The following GPR101 variants were observed in gnomAD, a reference collection of about 807,000 sequenced individuals.
GPR101 encodes the protein probable G protein-coupled receptor 101.
GPR101 carries 8 observed loss-of-function variants against 16.4 expected under a neutral mutation model. The observed-to-expected ratio is 0.49, with a 90% CI of 0.29 to 0.88. The LOEUF (loss-of-function observed/expected upper bound fraction) is 0.88, where lower values mean the gene tolerates loss of function less well. GPR101 is among the 40% of genes least tolerant of loss of function. The probability of loss-of-function intolerance (pLI) is 0.09; values close to 1 mark genes in which losing one functional copy is unlikely to be tolerated. For synonymous variants in GPR101, 155 were observed against 168.7 expected (o/e 0.92, Z 0.63); for missense variants, 375 against 411.7 (o/e 0.91, Z 0.77).
At position 137,029,616 on chromosome X, in the gene GPR101, C is replaced by A. The variant is rs1351061041; in HGVS notation, c.*532G>T. Among the ~76,000 whole-genome samples, 1 of 111,623 alleles carries A rather than the reference C, an allele frequency of 9.0e-6. No homozygotes were observed. Among genetic ancestry groups the A allele is most frequent in the Non-Finnish European group, 1.9e-5 (1 of 53,144 alleles). The stretch of plus-strand genomic sequence containing the variant: ...GTTTTAGTTTGTGTAACAGTCTTTG[C>A]ACCCGACTGTGGGGCTGTTCAGTTC... On this transcript the variant is annotated 3_prime_UTR_variant, in exon 2 of 2. Coordinates refer to ENST00000651716, the MANE Select transcript of GPR101 (RefSeq NM_054021.2).
rs1272334756 is a variant in GPR101, at chrX:137,028,617, G to C, written c.*1531C>G. ...GTTGACTCTGGAGTTGCTTTAACTT[G>C]TTCTGTAGGAGGATCAAAAACACTG... On this transcript the variant is annotated 3_prime_UTR_variant, in exon 2 of 2. Coordinates refer to ENST00000651716, the MANE Select transcript of GPR101 (RefSeq NM_054021.2). 8.9e-6 allele frequency among the ~76,000 whole-genome samples: 1 copy of C among 111,998 alleles called. No individual in the cohort carries two copies. The highest frequency in any genetic ancestry group is 3.2e-5 in the African/African-American group (1 of 30,851).
rs374721146 is a variant in GPR101, at chrX:137,030,803, G to A, written c.872C>T (p.Thr291Met). The stretch of plus-strand genomic sequence containing the variant: ...CTCTACACTACTCTCACTGGTCCCC[G>A]TGCTTCCTTCCTTGGCCTTCAGGCT... ...DGSLKAKEGS[T>M]GTSESSVEAR... Residue 291 changes from threonine (T) to methionine (M), a missense_variant, in exon 2 of 2, where the codon ACG becomes ATG. By Grantham distance (81) the Thr-to-Met change is moderately conservative. Transcript: ENST00000651716. The A allele has an allele frequency of 2.4e-5, 29 of 1,209,299 alleles. No homozygotes were observed. Among genetic ancestry groups the A allele is most frequent in the African/African-American group, 3.5e-5 (2 of 56,855 alleles).
Position 137,031,385 on chromosome X carries a change from C to T in GPR101, c.290G>A (p.Trp97Ter). ...CGTGCAGAAGTGGCTGTTGAGGGGC[C>T]AGAAGAGAGGCACAGAGGTGGCCAC... Reference protein sequence around the residue: ...WVVATSVPLFWPLNSHFCTAL... With the variant: ...WVVATSVPLF Residue 97 changes from tryptophan (W) to a stop codon, truncating the protein, a stop_gained, in exon 2 of 2, where the codon TGG becomes TAG. Transcript: ENST00000651716. LOFTEE classifies it high-confidence loss of function. The T allele has an allele frequency of 8.4e-7, 1 of 1,193,316 alleles. No individual in the cohort carries two copies. Among genetic ancestry groups the T allele is most frequent in the South Asian group, 1.9e-5 (1 of 52,916 alleles).
rs1466805565 is a variant in GPR101, at chrX:137,030,128, G to A, written c.*20C>T. ...GTTTCTCGTGTTATGGACAGTTCAA[G>A]GTTTGCCTTAGAACTAACTTCAAGG... On this transcript the variant is annotated 3_prime_UTR_variant, in exon 2 of 2. Transcript: ENST00000651716. 2 of 1,144,025 alleles carry A rather than the reference G, an allele frequency of 1.7e-6. No homozygotes were observed. The allele number at this position is 1,144,025 out of a possible 1,213,427, so 94.3% of individuals were successfully genotyped here.
rs928017692 is a variant in GPR101, at chrX:137,024,951, G to T, written c.*5197C>A. 9.0e-6 allele frequency among the ~76,000 whole-genome samples: 1 copy of T among 111,615 alleles called. No homozygotes were observed. Among genetic ancestry groups the T allele is most frequent in the Admixed American group, 9.5e-5 (1 of 10,479 alleles). On this transcript the variant is annotated 3_prime_UTR_variant, in exon 2 of 2. Transcript: ENST00000651716. ...CCTTCCTTTTTAATGGAGAAGGATGGTCTTCTTTGAGTTTGCATTCTATAT... is the reference window on the plus strand; with the variant it reads ...CCTTCCTTTTTAATGGAGAAGGATGTTCTTCTTTGAGTTTGCATTCTATAT...
Position 137,028,812 on chromosome X carries a change from C to T in GPR101, c.*1336G>A, listed in dbSNP as rs1033510388. Among the ~76,000 whole-genome samples, 5 of 112,572 alleles carry T rather than the reference C, an allele frequency of 4.4e-5. No homozygotes were observed. Among genetic ancestry groups the T allele is most frequent in the Admixed American group, 3.8e-4 (4 of 10,654 alleles). On this transcript the variant is annotated 3_prime_UTR_variant, in exon 2 of 2. Transcript: ENST00000651716. ...TTAGATATTGTTAAAGTTTTCCCAA[C>T]GTGATTTATTTCAACAGCATTAATT...
rs1299259245 is a variant in GPR101, at chrX:137,031,195, G to T, written c.480C>A (p.Ile160=). ...CGTAGAGTGGAGGAGTGCTCTGCAG[G>T]ATGGCCACAATCCAGGTGCCATAGA... is the stretch of plus-strand genomic sequence containing the variant. ...LLLYGTWIVA[I]LQSTPPLYGW... The change falls in exon 2 of 2, where the codon ATC becomes ATA. Residue 160 remains isoleucine, a synonymous_variant. Coordinates refer to ENST00000651716, the MANE Select transcript of GPR101 (RefSeq NM_054021.2). 9.9e-6 allele frequency: 12 copies of T among 1,212,078 alleles called. No homozygotes were observed. The highest frequency in any genetic ancestry group is 1.2e-5 in the Non-Finnish European group (11 of 895,484).
intron 1 of GPR101, among the ~76,000 whole-genome samples, chrX:137,032,681 C>T (rs1164635627): frequency 1.8e-5 from 2 of 110,345 alleles, no homozygotes; most frequent in African/African-American, 6.6e-5. Context: ...CTCACTGGCA[C>T]GTGTGCGCTT....
At position 137,025,092 on chromosome X, in the gene GPR101, C is replaced by T. The variant is rs751618791; in HGVS notation, c.*5056G>A. Among the ~76,000 whole-genome samples the T allele has an allele frequency of 8.9e-6, 1 of 112,051 alleles. No individual in the cohort carries two copies. On this transcript the variant is annotated 3_prime_UTR_variant, in exon 2 of 2. Transcript: ENST00000651716. ...AATGACCAATTGTACCAGAATAAGT[C>T]CTCACCTGTCATATATCATATTAGG...
rs753537878 is a variant in GPR101 at position 137,027,516 on chromosome X, C to G, written c.*2632G>C. Among the ~76,000 whole-genome samples, 2 of 111,515 alleles carry G rather than the reference C, an allele frequency of 1.8e-5. No homozygotes were observed. Among genetic ancestry groups the G allele is most frequent in the African/African-American group, 3.3e-5 (1 of 30,659 alleles). ...AATAGCAAAAAATTTCGAGTACTTG[C>G]TATCTCCAAGCTAACCATAGGCCTT... is the stretch of plus-strand genomic sequence containing the variant. On this transcript the variant is annotated 3_prime_UTR_variant, in exon 2 of 2. Coordinates refer to ENST00000651716, the MANE Select transcript of GPR101 (RefSeq NM_054021.2).
Position 137,026,168 on chromosome X carries a change from G to A in GPR101, c.*3980C>T, listed in dbSNP as rs775251011. ...TCTTTTGTCTGGTCTAGAAGGAAAC[G>A]GCATTTTGCTTAGAGAAACCTCTCC... On this transcript the variant is annotated 3_prime_UTR_variant, in exon 2 of 2. Coordinates refer to ENST00000651716, the MANE Select transcript of GPR101 (RefSeq NM_054021.2). Among the ~76,000 whole-genome samples, 1 of 112,154 alleles carries A rather than the reference G, an allele frequency of 8.9e-6. No homozygotes were observed. The highest frequency in any genetic ancestry group is 1.9e-5 in the Non-Finnish European group (1 of 53,263).
rs958462746 is a variant in GPR101 at position 137,024,308 on chromosome X, G to A, written c.*5840C>T. ...TGTTTTGTGCACCTGAAGGTAAGTCGTGCCAATGGGAACTTGGCCTCAGGA... is the reference window on the plus strand; with the variant it reads ...TGTTTTGTGCACCTGAAGGTAAGTCATGCCAATGGGAACTTGGCCTCAGGA... On this transcript the variant is annotated 3_prime_UTR_variant, in exon 2 of 2. Transcript: ENST00000651716. Among the ~76,000 whole-genome samples, 1 of 111,813 alleles carries A rather than the reference G, an allele frequency of 8.9e-6. No homozygotes were observed. Among genetic ancestry groups the A allele is most frequent in the Non-Finnish European group, 1.9e-5 (1 of 53,185 alleles).
Position 137,026,400 on chromosome X carries a change from T to G in GPR101, c.*3748A>C, listed in dbSNP as rs987441706. Among the ~76,000 whole-genome samples, 4 of 112,126 alleles carry G rather than the reference T, an allele frequency of 3.6e-5. No homozygotes were observed. The highest frequency in any genetic ancestry group is 1.3e-4 in the African/African-American group (4 of 30,805). ...TCCAAATTACCAGATGATGCGTATT[T>G]TTTTTCTTCCAAATGATGTGTTTCA... On this transcript the variant is annotated 3_prime_UTR_variant, in exon 2 of 2. Coordinates refer to ENST00000651716, the MANE Select transcript of GPR101 (RefSeq NM_054021.2).
intron 1 of GPR101, among the ~76,000 whole-genome samples, 197 bp downstream of exon 1, chrX:137,033,605 C>T (rs943502577): frequency 5.1e-4 from 57 of 110,863 alleles, no homozygotes; most frequent in African/African-American, 1.8e-3. Context: ...AAAGAACGCA[C>T]GAGAAAAAGT....
chrX:137,030,238 C>T lies in GPR101; in HGVS notation c.1437G>A (p.Pro479=), dbSNP rs142571379. ...LKKFFCKEKP[P]KEDSHPDLPG... is the part of the protein sequence containing the mutation. ...GCAGGTCTGGGTGGCTATCTTCTTT[C>T]GGGGGCTTTTCCTTGCAGAAGAACT... Residue 479 remains proline (P), a synonymous_variant, in exon 2 of 2, where the codon CCG becomes CCA. Transcript: ENST00000651716. 9.1e-6 allele frequency: 11 copies of T among 1,209,328 alleles called. No homozygotes were observed. In the East Asian group the frequency reaches 1.8e-4, roughly 20 times the overall value.
Position 137,031,688 on chromosome X carries a change from G to A in GPR101, c.-14C>T. 1 of 1,170,461 alleles carries A rather than the reference G, an allele frequency of 8.5e-7. No individual in the cohort carries two copies. Among genetic ancestry groups the A allele is most frequent in the Non-Finnish European group, 1.1e-6 (1 of 872,444 alleles). ...GGTGGACGTCATGGCAACAGCCAGA[G>A]GGCGTGAGACAGGTTGCAGGCTCAG... is the stretch of plus-strand genomic sequence containing the variant. On this transcript the variant is annotated 5_prime_UTR_variant, in exon 2 of 2. Coordinates refer to ENST00000651716, the MANE Select transcript of GPR101 (RefSeq NM_054021.2).
At position 137,027,944 on chromosome X, in the gene GPR101, T is replaced by C. The variant is rs1255054126; in HGVS notation, c.*2204A>G. ...AAGCATTTCTACTCAAAGGATAGGC[T>C]ATAGCTACCTTGAACTCCTTTGACA... On this transcript the variant is annotated 3_prime_UTR_variant, in exon 2 of 2. Transcript: ENST00000651716. Among the ~76,000 whole-genome samples, 1 of 112,410 alleles carries C rather than the reference T, an allele frequency of 8.9e-6. No homozygotes were observed. The highest frequency in any genetic ancestry group is 1.9e-5 in the Non-Finnish European group (1 of 53,318).
rs1927199416 is a variant in GPR101 at position 137,028,417 on chromosome X, G to A, written c.*1731C>T. On this transcript the variant is annotated 3_prime_UTR_variant, in exon 2 of 2. Transcript: ENST00000651716. Reference sequence around the variant, plus strand: ...GAGGAAGAGATAAAAAAAAATAAATGAGCTGGGCATTTATTTAAATGAAAC... The same window carrying A: ...GAGGAAGAGATAAAAAAAAATAAATAAGCTGGGCATTTATTTAAATGAAAC... Among the ~76,000 whole-genome samples the A allele has an allele frequency of 8.9e-6, 1 of 111,844 alleles. No homozygotes were observed. The highest frequency in any genetic ancestry group is 3.8e-4 in the South Asian group (1 of 2,653).
At chrX:137,032,214 C>T (rs2046971246) in intron 1 of GPR101, among the ~76,000 whole-genome samples, 2 of 110,720 alleles carry the variant, frequency 1.8e-5, no homozygotes, top group African/African-American at 3.3e-5. Flanking sequence ...ATCCTTGTCT[C>T]TCACTTATGT....
Sources: gnomAD v4.1 joint callset for allele counts (sites outside exome capture counted in the v4.1 genomes callset) on GRCh38, gnomAD v4.1.1 for gene constraint, MANE v1.5 for transcripts, NCBI Gene and HGNC (gene_info 2026-07-23, HGNC 2026-07-21) for gene names.